Variants in GABRB1 observed in about 807,000 individuals in gnomAD.
GABRB1 encodes the protein gamma-aminobutyric acid type A receptor subunit beta1.
A neutral mutation model predicts 51.6 loss-of-function variants in GABRB1; 17 were observed. That is an observed-to-expected ratio of 0.33 (90% CI 0.23 to 0.49). The LOEUF (loss-of-function observed/expected upper bound fraction) is 0.49. GABRB1 is among the 20% of genes least tolerant of loss of function. GABRB1 has a pLI of 0.99. For synonymous variants in GABRB1, 247 were observed against 218.9 expected, an observed-to-expected ratio of 1.13 and a Z score of -1.14; for missense variants, 410 against 600.6, an observed-to-expected ratio of 0.68 and a Z score of 3.32.
intron 3 of GABRB1, among the ~76,000 whole-genome samples, chr4:47,115,629 C>G (rs1176473485): frequency 6.6e-6 from 1 of 151,822 alleles, no homozygotes; most frequent in Non-Finnish European, 1.5e-5. Flanking sequence ...AAAGAGTCAA[C>G]TGAAAGCTCT....
At chr4:47,125,727 T>C (rs1015113081) in intron 3 of GABRB1, among the ~76,000 whole-genome samples, 1 of 147,448 alleles carries the variant, frequency 6.8e-6, no homozygotes, top group Non-Finnish European at 1.5e-5. Flanking sequence ...GGCTAATTTT[T>C]TGTATTTTTA....
chr4:47,284,608 T>C (rs1267893158), intron 4 of GABRB1, among the ~76,000 whole-genome samples: 1 of 152,216 alleles, frequency 6.6e-6, no homozygotes, highest in Non-Finnish European at 1.5e-5. Flanking sequence ...ATTTTTCAAG[T>C]AGTGTTATAT....
chr4:47,260,270 C>T (rs576870926), intron 4 of GABRB1, among the ~76,000 whole-genome samples: 3,433 of 151,922 alleles, frequency 0.023, 141 homozygotes, highest in African/African-American at 0.077. Context: ...TGGGTCTTGA[C>T]TCTTTATCCA....
At chr4:47,058,758 A>G (rs1050425345) in intron 3 of GABRB1, among the ~76,000 whole-genome samples, 3 of 152,126 alleles carry the variant, frequency 2.0e-5, no homozygotes, top group Non-Finnish European at 4.4e-5. Flanking sequence ...ACTCTAATAG[A>G]TTGCCTTTGT....
intron 3 of GABRB1, chr4:47,043,165 G>A (rs1317566892): frequency 6.6e-6 from 1 of 152,008 alleles, no homozygotes; most frequent in East Asian, 1.9e-4. Flanking sequence ...GAAGATTCAC[G>A]ACAGAGGTTA....
intron 3 of GABRB1, among the ~76,000 whole-genome samples, chr4:47,158,928 T>A (rs1038009491): frequency 6.6e-6 from 1 of 152,032 alleles, no homozygotes; most frequent in African/African-American, 2.4e-5. Context: ...ACCTTAACCT[T>A]AATTTTCTCA....
intron 5 of GABRB1, among the ~76,000 whole-genome samples, chr4:47,324,291 G>A (rs1287419125): frequency 6.6e-6 from 1 of 152,038 alleles, no homozygotes; most frequent in Non-Finnish European, 1.5e-5. Context: ...CCTGCCCGCT[G>A]TGCTTAGAAT....
At chr4:47,298,917 C>A (rs867909610) in intron 4 of GABRB1, among the ~76,000 whole-genome samples, 2,461 of 151,500 alleles carry the variant, frequency 0.016, 60 homozygotes, top group African/African-American at 0.056. Context: ...CAGAACAGAG[C>A]CCTCAGAAAT....
At chr4:47,367,277 C>T (rs929337313) in intron 5 of GABRB1, among the ~76,000 whole-genome samples, 3 of 152,306 alleles carry the variant, frequency 2.0e-5, no homozygotes, top group African/African-American at 7.2e-5. Context: ...GTATGTGTCT[C>T]CCAATAGCTT....
At chr4:47,269,510 G>C (rs1722771023) in intron 4 of GABRB1, among the ~76,000 whole-genome samples, 1 of 152,144 alleles carries the variant, frequency 6.6e-6, no homozygotes, top group South Asian at 2.1e-4. Flanking sequence ...GGGGTTTAGT[G>C]TGAGGTGTGG....
intron 3 of GABRB1, among the ~76,000 whole-genome samples, chr4:47,046,651 TA>T (rs1468140949): frequency 6.6e-6 from 1 of 151,828 alleles, no homozygotes; most frequent in Non-Finnish European, 1.5e-5. Context: ...AGGAGAAGAA[TA>T]ATCTAGGTAG....
intron 3 of GABRB1, among the ~76,000 whole-genome samples, chr4:47,097,614 G>T (rs1184688915): frequency 6.6e-6 from 1 of 152,030 alleles, no homozygotes; most frequent in South Asian, 2.1e-4. Flanking sequence ...ATAGAATTTT[G>T]TCTGTTTTAT....
intron 3 of GABRB1, among the ~76,000 whole-genome samples, chr4:47,069,194 T>A (rs1262497727): frequency 1.3e-5 from 2 of 152,208 alleles, no homozygotes; most frequent in Non-Finnish European, 1.5e-5. Flanking sequence ...CCATGTTAAA[T>A]ATATCACCAG....
intron 4 of GABRB1, 58 bp from the exon 5 acceptor site, chr4:47,320,069 G>A (rs1725021348): frequency 8.4e-7 from 1 of 1,188,868 alleles, no homozygotes; most frequent in African/African-American, 1.5e-5. Context: ...TAGGAAGCCT[G>A]GAAATGAAAT....
intron 1 of GABRB1, among the ~76,000 whole-genome samples, chr4:47,002,665 T>C (rs962177352): frequency 2.6e-5 from 4 of 152,130 alleles, no homozygotes; most frequent in Non-Finnish European, 5.9e-5. Context: ...GTATCATAGA[T>C]ATATACTAGC....
intron 4 of GABRB1, 63 bp from the exon 5 acceptor site, chr4:47,320,064 A>C (rs1049915726): frequency 8.8e-7 from 1 of 1,131,674 alleles, no homozygotes; most frequent in African/African-American, 1.5e-5. Context: ...GGGGCTAGGA[A>C]GCCTGGAAAT....
intron 5 of GABRB1, among the ~76,000 whole-genome samples, chr4:47,331,785 A>C (rs1201323832): frequency 1.3e-5 from 2 of 152,182 alleles, no homozygotes; most frequent in Non-Finnish European, 2.9e-5. Context: ...CAGGCACTTT[A>C]TAAAGATTCC....
chr4:47,195,311 G>A (rs999497394), intron 4 of GABRB1, among the ~76,000 whole-genome samples: 4 of 151,994 alleles, frequency 2.6e-5, no homozygotes, highest in African/African-American at 9.7e-5. Context: ...AGCTTGCAGT[G>A]AGCCAAGATC....
chr4:47,056,170 C>A (rs145213399), intron 3 of GABRB1, among the ~76,000 whole-genome samples: 1 of 152,252 alleles, frequency 6.6e-6, no homozygotes, highest in East Asian at 1.9e-4. Flanking sequence ...GAAAAATAGA[C>A]CTTAAGCCGA....
Sources: allele counts gnomAD v4.1 joint callset (sites outside exome capture counted in the v4.1 genomes callset), GRCh38; gene constraint gnomAD v4.1.1; transcripts MANE v1.5; gene names NCBI Gene and HGNC (gene_info 2026-07-23, HGNC 2026-07-21).